MERTK: variants seen among roughly 807,000 people sequenced by gnomAD.
MERTK encodes MER proto-oncogene, tyrosine kinase.
In MERTK, 69 loss-of-function variants were observed where a neutral mutation model predicts 99.3. The observed-to-expected ratio is 0.70, with a 90% CI of 0.57 to 0.85. The LOEUF is 0.85. Ranked by LOEUF, MERTK falls within the 40% of genes least tolerant of loss-of-function variation. The pLI is 0.00. For missense variants in MERTK, 1,125 were observed against 1,249.4 expected, an observed-to-expected ratio of 0.90 and a Z score of 1.50; for synonymous variants, 426 against 467.6, an observed-to-expected ratio of 0.91 and a Z score of 1.15.
intron 18 of MERTK, among the ~76,000 whole-genome samples, chr2:112,027,808 G>C (rs1677500834): frequency 6.6e-6 from 1 of 152,122 alleles, no homozygotes; most frequent in Admixed American, 6.5e-5. Context: ...TAGCCCCAGG[G>C]CCCCAACTAA....
chr2:111,898,756 G>C lies in MERTK; in HGVS notation c.21G>C (p.Pro7=). 6.2e-7 allele frequency: 1 copy of C among 1,605,440 alleles called. No homozygotes were observed. Among genetic ancestry groups the C allele is most frequent in the South Asian group, 1.1e-5 (1 of 89,644 alleles). ...CCGGGATGGGGCCGGCCCCGCTGCCGCTGCTGCTGGGCCTCTTCCTCCCCG... is the reference window on the plus strand; with the variant it reads ...CCGGGATGGGGCCGGCCCCGCTGCCCCTGCTGCTGGGCCTCTTCCTCCCCG... MGPAPL[P]LLLGLFLPAL... Residue 7 remains proline, a synonymous_variant, in exon 1 of 19, where the codon CCG becomes CCC. Transcript: ENST00000295408.
At chr2:111,975,259 G>T (rs375468395) in intron 6 of MERTK, 30 bp from the exon 7 acceptor site, 5 of 1,612,426 alleles carry the variant, frequency 3.1e-6, no homozygotes, top group Non-Finnish European at 4.2e-6. Flanking sequence ...CCTTACTAAT[G>T]CCCGGTCCTC....
intron 7 of MERTK, among the ~76,000 whole-genome samples, chr2:111,981,948 A>G (rs917383563): frequency 7.9e-5 from 12 of 152,008 alleles, no homozygotes; most frequent in Admixed American, 1.3e-4. Flanking sequence ...GCTGGAGAAC[A>G]TTGTTCAAGT....
At chr2:111,962,842 G>C (rs961448369) in intron 4 of MERTK, among the ~76,000 whole-genome samples, 2 of 152,166 alleles carry the variant, frequency 1.3e-5, no homozygotes, top group African/African-American at 4.8e-5. Context: ...GACCTTGACA[G>C]TGAAGGGGTG....
At chr2:111,985,890 T>C (rs951489683) in intron 8 of MERTK, among the ~76,000 whole-genome samples, 5 of 152,170 alleles carry the variant, frequency 3.3e-5, no homozygotes, top group African/African-American at 1.2e-4. Flanking sequence ...ATGGTATCTA[T>C]ATGGAGCATC....
rs1454141077 is a variant in MERTK, at chr2:111,925,332, G to A, written c.62-3788G>A. On this transcript the variant is annotated intron_variant, in intron 1 of 18. Transcript: ENST00000295408. Reference sequence around the variant, plus strand: ...TTTTTTTTTTTTGAGATGGATTTTCGCTCTTGTTGCCCAGGCTGGAGTGCA... The same window carrying A: ...TTTTTTTTTTTTGAGATGGATTTTCACTCTTGTTGCCCAGGCTGGAGTGCA... Among the ~76,000 whole-genome samples, 12 of 27,512 alleles carry A rather than the reference G, an allele frequency of 4.4e-4. 1 individual carries two copies. The South Asian group carries it at 0.011, about 24-fold the overall frequency. The allele number at this position is 27,512 out of a possible 152,430, so 18.0% of individuals were successfully genotyped here.
chr2:111,932,755 T>C (rs1319418440), intron 2 of MERTK, among the ~76,000 whole-genome samples: 1 of 152,106 alleles, frequency 6.6e-6, no homozygotes, highest in African/African-American at 2.4e-5. Flanking sequence ...TAAGAGTATA[T>C]ATTAGTTTCA....
intron 2 of MERTK, among the ~76,000 whole-genome samples, chr2:111,938,594 G>A (rs1684805526): frequency 6.6e-6 from 1 of 152,158 alleles, no homozygotes; most frequent in Admixed American, 6.5e-5. Context: ...CTGGGGTGAT[G>A]GGTTTCTGCA....
At chr2:111,906,096 G>A (rs539515794) in intron 1 of MERTK, among the ~76,000 whole-genome samples, 1 of 152,008 alleles carries the variant, frequency 6.6e-6, no homozygotes, top group African/African-American at 2.4e-5. Flanking sequence ...TATTTCTGTT[G>A]GTCCCTTGAA....
In MERTK at chr2:112,023,137, G is replaced by A. The variant is rs145701093; in HGVS notation, c.2486+743G>A. Among the ~76,000 whole-genome samples, 41 of 152,240 alleles carry A rather than the reference G, an allele frequency of 2.7e-4. 2 individuals are homozygous for A. In the East Asian group the frequency reaches 7.1e-3, roughly 27 times the overall value. ...TATTAAAAAATAATAAAATAAGGCC[G>A]AGTGCGGTGGCTCACGCTTGTAATC... is the stretch of plus-strand genomic sequence containing the variant. On this transcript the variant is annotated intron_variant, in intron 18 of 18. Transcript: ENST00000295408.
chr2:111,922,307 C>T (rs1431992826), intron 1 of MERTK, among the ~76,000 whole-genome samples: 1 of 152,178 alleles, frequency 6.6e-6, no homozygotes, highest in Non-Finnish European at 1.5e-5. Flanking sequence ...TCACCTTGGG[C>T]TGTGATCACC....
At chr2:111,978,358 T>C (rs1676296918) in intron 7 of MERTK, among the ~76,000 whole-genome samples, 1 of 152,246 alleles carries the variant, frequency 6.6e-6, no homozygotes, top group African/African-American at 2.4e-5. Context: ...CATGTTAGGC[T>C]GGTCTTGAAC....
At position 111,991,299 on chromosome 2, in the gene MERTK, C is replaced by T. The variant is rs562500858; in HGVS notation, c.1297-2952C>T. Reference sequence around the variant, plus strand: ...GGAGTGTGGTGGCGTGATCTTGGCTCACTGCATCCTCCGTGTCCTGGGTTA... The same window carrying T: ...GGAGTGTGGTGGCGTGATCTTGGCTTACTGCATCCTCCGTGTCCTGGGTTA... On this transcript the variant is annotated intron_variant, in intron 8 of 18. Coordinates refer to ENST00000295408, the MANE Select transcript of MERTK (RefSeq NM_006343.3). Among the ~76,000 whole-genome samples, 11 of 152,254 alleles carry T rather than the reference C, an allele frequency of 7.2e-5. No individual in the cohort carries two copies. In the South Asian group the frequency reaches 2.3e-3, roughly 32 times the overall value.
rs144406499 is a variant in MERTK, at chr2:112,028,738, G to A, written c.2874G>A (p.Pro958=). 4.7e-5 allele frequency: 76 copies of A among 1,614,104 alleles called. No individual in the cohort carries two copies. The African/African-American group carries it at 7.9e-4, about 17-fold the overall frequency. ...AVTAEKNSVL[P]GERLVRNGVS... ...CAGCTGAAAAGAACAGTGTTTTACCGGGGGAGAGACTTGTTAGGAATGGGG... is the reference window on the plus strand; with the variant it reads ...CAGCTGAAAAGAACAGTGTTTTACCAGGGGAGAGACTTGTTAGGAATGGGG... The change falls in exon 19 of 19, where the codon CCG becomes CCA. Residue 958 remains proline, a synonymous_variant. Coordinates refer to ENST00000295408, the MANE Select transcript of MERTK (RefSeq NM_006343.3).
chr2:111,918,605 G>C (rs549967333), intron 1 of MERTK, among the ~76,000 whole-genome samples: 1 of 152,210 alleles, frequency 6.6e-6, no homozygotes, highest in Admixed American at 6.5e-5. Context: ...AAGTAAACAT[G>C]ATATTGTATA....
At chr2:111,962,760 G>C (rs1172192667) in intron 4 of MERTK, among the ~76,000 whole-genome samples, 1 of 152,086 alleles carries the variant, frequency 6.6e-6, no homozygotes, top group Non-Finnish European at 1.5e-5. Context: ...ACACCACATT[G>C]CATTTAGTCA....
rs1677082026 is a variant in MERTK, at chr2:112,010,715, T to TTCCTA, written c.2079+649_2079+650insTCCTA. ...AAGGAATCATAGCCACTGGGGACAT[T>TTCCTA]GTATCTTTCATTTCCTAGGCCTCCT... On this transcript the variant is annotated intron_variant, in intron 15 of 18. Coordinates refer to ENST00000295408, the MANE Select transcript of MERTK (RefSeq NM_006343.3). Among the ~76,000 whole-genome samples, 5 of 152,130 alleles carry TTCCTA rather than the reference T, an allele frequency of 3.3e-5. No homozygotes were observed. The South Asian group carries it at 1.0e-3, about 32-fold the overall frequency.
chr2:111,914,583 C>T (rs1475186081), intron 1 of MERTK, among the ~76,000 whole-genome samples: 2 of 152,114 alleles, frequency 1.3e-5, no homozygotes, highest in Admixed American at 1.3e-4. Context: ...CTGGCTTCTT[C>T]CTAATTTTCT....
intron 9 of MERTK, among the ~76,000 whole-genome samples, chr2:111,995,307 T>A: frequency 6.6e-6 from 1 of 152,224 alleles, no homozygotes. Flanking sequence ...AACCAAGTGC[T>A]GTGCTCACTC....
Sources: allele counts gnomAD v4.1 joint callset (sites outside exome capture counted in the v4.1 genomes callset), GRCh38; gene constraint gnomAD v4.1.1; transcripts MANE v1.5; gene names NCBI Gene and HGNC (gene_info 2026-07-23, HGNC 2026-07-21).